The following TMEM123 variants were observed in gnomAD, a reference collection of about 807,000 sequenced individuals.
The protein encoded by TMEM123 is porimin.
TMEM123 carries 16 observed loss-of-function variants against 19.7 expected under a neutral mutation model. The observed-to-expected ratio is 0.81, with a 90% CI of 0.55 to 1.23. The LOEUF is 1.23. Ranked by LOEUF, TMEM123 falls within the 50% of genes most tolerant of loss-of-function variation. TMEM123 has a pLI of 0.00. For missense variants in TMEM123, 313 were observed against 257.8 expected (o/e 1.21, Z -1.47); for synonymous variants, 118 against 99.4 (o/e 1.19, Z -1.12).
intron 2 of TMEM123, among the ~76,000 whole-genome samples, chr11:102,435,627 A>T (rs1427602428): frequency 1.3e-5 from 2 of 151,968 alleles, no homozygotes; most frequent in Non-Finnish European, 2.9e-5. Context: ...GTGTTTACAC[A>T]AATATTCATA....
At chr11:102,428,232 C>T (rs1001764113) in intron 2 of TMEM123, among the ~76,000 whole-genome samples, 6 of 152,092 alleles carry the variant, frequency 3.9e-5, no homozygotes, top group African/African-American at 1.4e-4. Flanking sequence ...AATTTTTTAT[C>T]CTGAATATAT....
intron 2 of TMEM123, among the ~76,000 whole-genome samples, chr11:102,427,872 G>A (rs1952142993): frequency 1.3e-5 from 2 of 151,712 alleles, no homozygotes; most frequent in South Asian, 4.2e-4. Context: ...GAAATAGAAT[G>A]AAAATGTAAA....
intron 2 of TMEM123, among the ~76,000 whole-genome samples, chr11:102,422,517 T>G (rs1391159760): frequency 2.6e-5 from 4 of 152,146 alleles, no homozygotes; most frequent in Non-Finnish European, 4.4e-5. Context: ...CACAAACATC[T>G]GTGTTCTCAT....
chr11:102,422,144 CA>C (rs1206134780), intron 2 of TMEM123, among the ~76,000 whole-genome samples: 4 of 152,194 alleles, frequency 2.6e-5, no homozygotes, highest in Admixed American at 6.5e-5. Context: ...TCAATCAATA[CA>C]GTGTACACAC....
intron 2 of TMEM123, among the ~76,000 whole-genome samples, chr11:102,446,990 A>G (rs1227803279): frequency 1.3e-5 from 2 of 152,248 alleles, no homozygotes; most frequent in Non-Finnish European, 2.9e-5. Flanking sequence ...AAAAAGAAAA[A>G]CAGTTAAGCA....
chr11:102,405,934 G>A (rs541877015), intron 2 of TMEM123, among the ~76,000 whole-genome samples: 3 of 152,328 alleles, frequency 2.0e-5, no homozygotes, highest in South Asian at 4.1e-4. Context: ...TAAATGAAAT[G>A]CAAGGATGCT....
chr11:102,435,723 T>C (rs1857756087), intron 2 of TMEM123, among the ~76,000 whole-genome samples: 1 of 151,848 alleles, frequency 6.6e-6, no homozygotes, highest in Non-Finnish European at 1.5e-5. Context: ...GACATACCCA[T>C]AGCGTGAATT....
chr11:102,444,685 T>C (rs1357404102), intron 2 of TMEM123, among the ~76,000 whole-genome samples: 1 of 151,726 alleles, frequency 6.6e-6, no homozygotes, highest in Non-Finnish European at 1.5e-5. Context: ...ACTTAAAGTA[T>C]AATAATAATA....
intron 2 of TMEM123, among the ~76,000 whole-genome samples, 175 bp from the exon 3 acceptor site, chr11:102,402,381 A>G (rs180916068): frequency 2.0e-4 from 31 of 152,296 alleles, no homozygotes. Context: ...GTCTCAAACT[A>G]GTAAAAGACT....
intron 2 of TMEM123, among the ~76,000 whole-genome samples, chr11:102,412,474 T>G (rs944427424): frequency 1.3e-5 from 2 of 151,986 alleles, no homozygotes; most frequent in Non-Finnish European, 2.9e-5. Flanking sequence ...AAGACAGAGA[T>G]TATGAGACTG....
chr11:102,426,859 T>TTC (rs1491364770), intron 2 of TMEM123, among the ~76,000 whole-genome samples: 42 of 4,132 alleles, frequency 0.01, 1 homozygote, highest in South Asian at 0.026. Flanking sequence ...TTAAAGTAGT[T>TTC]CCCCCCCCCC....
chr11:102,448,231 C>T (rs531115072), intron 2 of TMEM123: 55 of 456,108 alleles, frequency 1.2e-4, no homozygotes, highest in African/African-American at 5.8e-4. Context: ...TTACAAGAAA[C>T]GTACCTTGAT....
chr11:102,444,302 G>A (rs902147780), intron 2 of TMEM123, among the ~76,000 whole-genome samples: 1 of 152,168 alleles, frequency 6.6e-6, no homozygotes, highest in Non-Finnish European at 1.5e-5. Context: ...CAACCCAAAT[G>A]TCCATCAATG....
intron 2 of TMEM123, among the ~76,000 whole-genome samples, chr11:102,409,738 G>A (rs146704042): frequency 1.6e-3 from 249 of 152,150 alleles, no homozygotes; most frequent in Non-Finnish European, 2.7e-3. Context: ...GCTGGGCATG[G>A]TGGCGGGCGT....
chr11:102,452,482 T>G (rs935341426), intron 1 of TMEM123, 42 bp downstream of exon 1: 5 of 1,396,876 alleles, frequency 3.6e-6, no homozygotes, highest in Non-Finnish European at 2.8e-6. Context: ...GGCAGCGCGC[T>G]GCCTCCCACG....
intron 2 of TMEM123, among the ~76,000 whole-genome samples, chr11:102,416,965 C>T (rs1255825202): frequency 6.6e-6 from 1 of 152,160 alleles, no homozygotes; most frequent in Non-Finnish European, 1.5e-5. Context: ...AAACCCTCAA[C>T]AATCTAGGTA....
At chr11:102,413,643 A>G (rs1952022209) in intron 2 of TMEM123, among the ~76,000 whole-genome samples, 1 of 152,216 alleles carries the variant, frequency 6.6e-6, no homozygotes, top group Non-Finnish European at 1.5e-5. Context: ...GCCCCCTGAA[A>G]GCATTCTGAA....
rs190416575 is a variant in TMEM123, at chr11:102,401,685, T to A, written c.456A>T (p.Thr152=). The change falls in exon 4 of 5, where the codon ACA becomes ACT. Residue 152 remains threonine, a synonymous_variant. Coordinates refer to ENST00000398136, the MANE Select transcript of TMEM123 (RefSeq NM_052932.3). ...CTTTCTTTGCTTCAGAATGCATAGT[T>A]GTTGTGACTAGAACAAAAGAAAACA... is the stretch of plus-strand genomic sequence containing the variant. ...TSAASSVTIT[T]TMHSEAKKGS... 585 of 1,585,880 alleles carry A rather than the reference T, an allele frequency of 3.7e-4. 2 individuals are homozygous for A. The African/African-American group carries it at 6.0e-3, about 16-fold the overall frequency.
In TMEM123 at chr11:102,421,867, A is replaced by G. The variant is rs571397218; in HGVS notation, c.158-19661T>C. On this transcript the variant is annotated intron_variant, in intron 2 of 4. Coordinates refer to ENST00000398136, the MANE Select transcript of TMEM123 (RefSeq NM_052932.3). ...ATTTCGCATGATCTGTAGAACATCAATGGGAGATGGGTTTGCTCCTCCCAA... is the reference window on the plus strand; with the variant it reads ...ATTTCGCATGATCTGTAGAACATCAGTGGGAGATGGGTTTGCTCCTCCCAA... Among the ~76,000 whole-genome samples, 11 of 152,300 alleles carry G rather than the reference A, an allele frequency of 7.2e-5. No homozygotes were observed. In the South Asian group the frequency reaches 2.3e-3, roughly 32 times the overall value.
Sources: gnomAD v4.1 joint callset for allele counts (sites outside exome capture counted in the v4.1 genomes callset) on GRCh38, gnomAD v4.1.1 for gene constraint, MANE v1.5 for transcripts, NCBI Gene and HGNC (gene_info 2026-07-23, HGNC 2026-07-21) for gene names.